MVB12B: variants seen among roughly 807,000 people sequenced by gnomAD.
MVB12B encodes ESCRT-I complex subunit MVB12B.
In MVB12B, 16 loss-of-function variants were observed where a neutral mutation model predicts 41.6. The ratio of observed to expected loss-of-function variants is 0.38; its 90% CI spans 0.26 to 0.58. MVB12B has a LOEUF of 0.58. MVB12B is among the 20% of genes least tolerant of loss of function. MVB12B has a pLI of 0.62. For synonymous variants in MVB12B, 133 were observed against 139.7 expected (o/e 0.95, Z 0.34); for missense variants, 274 against 380.2 (o/e 0.72, Z 2.32).
chr9:126,431,055 T>G (rs967075322), intron 7 of MVB12B, among the ~76,000 whole-genome samples: 1 of 152,236 alleles, frequency 6.6e-6, no homozygotes, highest in South Asian at 2.1e-4. Flanking sequence ...CAAAGACTTG[T>G]TGAGAATTAT....
At position 126,326,983 on chromosome 9, in the gene MVB12B, ACCGCCG is replaced by A; in HGVS notation, c.63_68del (p.Pro22_Pro23del). ...GCCGGGACCCGCCGCCGCCGCAGCC[ACCGCCG>A]CCGCCGCCCCAGCGGGGAACAGTTA... On this transcript the variant is annotated inframe_deletion, in exon 1 of 10. Coordinates refer to ENST00000361171, the MANE Select transcript of MVB12B (RefSeq NM_033446.3). 4.2e-6 allele frequency: 1 copy of A among 236,122 alleles called. No homozygotes were observed. The highest frequency in any genetic ancestry group is 3.6e-5 in the South Asian group (1 of 27,578). The allele number at this position is 236,122 out of a possible 1,614,324, so 14.6% of individuals were successfully genotyped here.
intron 9 of MVB12B, among the ~76,000 whole-genome samples, chr9:126,501,410 C>T (rs1034787477): frequency 6.6e-6 from 1 of 152,222 alleles, no homozygotes; most frequent in African/African-American, 2.4e-5. Flanking sequence ...TACCTCTGCA[C>T]CCTGCCAGGC....
intron 3 of MVB12B, among the ~76,000 whole-genome samples, chr9:126,381,655 A>G (rs1426054248): frequency 6.6e-6 from 1 of 152,016 alleles, no homozygotes; most frequent in African/African-American, 2.4e-5. Flanking sequence ...GTATTGACTC[A>G]TGTAGATTTC....
intron 4 of MVB12B, among the ~76,000 whole-genome samples, chr9:126,388,368 ACT>A (rs1830857867): frequency 1.3e-5 from 2 of 152,338 alleles, no homozygotes. Flanking sequence ...ATAGATCATT[ACT>A]TCATTCCTTC....
chr9:126,335,213 G>A, intron 1 of MVB12B: 1 of 1,164,860 alleles, frequency 8.6e-7, no homozygotes, highest in Non-Finnish European at 1.1e-6. Context: ...AGCAGCATTT[G>A]TCAGAGTGAT....
At chr9:126,456,134 G>A (rs990596351) in intron 7 of MVB12B, among the ~76,000 whole-genome samples, 8 of 151,776 alleles carry the variant, frequency 5.3e-5, no homozygotes, top group South Asian at 2.1e-4. Flanking sequence ...TAGGTGATCC[G>A]CCCACCTTGG....
At chr9:126,469,602 T>C (rs1348401145) in intron 7 of MVB12B, among the ~76,000 whole-genome samples, 1 of 152,240 alleles carries the variant, frequency 6.6e-6, no homozygotes, top group Non-Finnish European at 1.5e-5. Context: ...CCCCCGTGGC[T>C]GCAGATCACA....
rs1412989023 is a variant in MVB12B, at chr9:126,494,138, G to A, written c.874-9039G>A. 3.3e-5 allele frequency among the ~76,000 whole-genome samples: 5 copies of A among 151,688 alleles called. No individual in the cohort carries two copies. In the East Asian group the frequency reaches 9.7e-4, roughly 29 times the overall value. On this transcript the variant is annotated intron_variant, in intron 9 of 9. Transcript: ENST00000361171. Reference sequence around the variant, plus strand: ...GTTAAAGTGTTAGCCATCTATTTCTGTTTTCCTAAATGTTTTTATCAGAAA... The same window carrying A: ...GTTAAAGTGTTAGCCATCTATTTCTATTTTCCTAAATGTTTTTATCAGAAA...
chr9:126,479,754 G>C (rs1350292664), intron 7 of MVB12B, among the ~76,000 whole-genome samples: 2 of 152,218 alleles, frequency 1.3e-5, no homozygotes, highest in African/African-American at 4.8e-5. Flanking sequence ...GGAATGCAGC[G>C]ACTGCCGCCA....
chr9:126,489,208 G>A (rs963732132), intron 9 of MVB12B, among the ~76,000 whole-genome samples: 1 of 152,246 alleles, frequency 6.6e-6, no homozygotes, highest in Non-Finnish European at 1.5e-5. Context: ...GGGCTGTGTA[G>A]GCAGTGGACA....
chr9:126,343,561 G>T (rs1450113538), intron 2 of MVB12B, among the ~76,000 whole-genome samples: 1 of 152,226 alleles, frequency 6.6e-6, no homozygotes, highest in Non-Finnish European at 1.5e-5. Context: ...GAGAATCATT[G>T]TTGGGTGTGT....
At chr9:126,445,092 G>A (rs1297116365) in intron 7 of MVB12B, among the ~76,000 whole-genome samples, 1 of 152,064 alleles carries the variant, frequency 6.6e-6, no homozygotes, top group African/African-American at 2.4e-5. Context: ...AAAATACTTT[G>A]AGGATTTTGA....
At chr9:126,498,896 T>TTCAAAAAA (rs1311257205) in intron 9 of MVB12B, among the ~76,000 whole-genome samples, 3 of 152,144 alleles carry the variant, frequency 2.0e-5, no homozygotes, top group African/African-American at 7.2e-5. Flanking sequence ...CCTGAGTGTT[T>TTCAAAAAA]TCAAAAAATG....
At chr9:126,405,927 G>T (rs998234235) in intron 6 of MVB12B, among the ~76,000 whole-genome samples, 1 of 150,544 alleles carries the variant, frequency 6.6e-6, no homozygotes, top group Admixed American at 6.6e-5. Flanking sequence ...TTGTGTAAAC[G>T]TTATATATAT....
intron 7 of MVB12B, among the ~76,000 whole-genome samples, chr9:126,429,394 G>A (rs1832271849): frequency 6.6e-6 from 1 of 152,220 alleles, no homozygotes; most frequent in Non-Finnish European, 1.5e-5. Context: ...ACAACCATGT[G>A]TGTGCTGTCA....
At position 126,422,630 on chromosome 9, in the gene MVB12B, G is replaced by T. The variant is rs1318514395; in HGVS notation, c.757+682G>T. ...CCTGGGCCGCCAGTGAGGGGTGTTT[G>T]TGTATAAGGGGAAAGTGGCAAATCA... On this transcript the variant is annotated intron_variant, in intron 7 of 9. Coordinates refer to ENST00000361171, the MANE Select transcript of MVB12B (RefSeq NM_033446.3). Among the ~76,000 whole-genome samples the T allele has an allele frequency of 2.6e-5, 4 of 152,186 alleles. No homozygotes were observed. In the South Asian group the frequency reaches 6.2e-4, roughly 24 times the overall value.
chr9:126,417,311 A>G (rs1831853876), intron 6 of MVB12B, among the ~76,000 whole-genome samples: 1 of 152,214 alleles, frequency 6.6e-6, no homozygotes, highest in Non-Finnish European at 1.5e-5. Context: ...TCAGCCTGTG[A>G]CTTGAATCCT....
intron 9 of MVB12B, among the ~76,000 whole-genome samples, chr9:126,494,464 C>T (rs1353005155): frequency 6.6e-6 from 1 of 152,220 alleles, no homozygotes; most frequent in East Asian, 1.9e-4. Context: ...GAACCACCTG[C>T]CCTGGTTACC....
At chr9:126,447,182 T>A (rs1241848540) in intron 7 of MVB12B, among the ~76,000 whole-genome samples, 1 of 150,918 alleles carries the variant, frequency 6.6e-6, no homozygotes, top group African/African-American at 2.4e-5. Context: ...TGACCTCAGG[T>A]GACCCACCTG....
Sources: gnomAD v4.1 joint callset for allele counts (sites outside exome capture counted in the v4.1 genomes callset) on GRCh38, gnomAD v4.1.1 for gene constraint, MANE v1.5 for transcripts, NCBI Gene and HGNC (gene_info 2026-07-23, HGNC 2026-07-21) for gene names.